Variants in AGBL1 observed in about 807,000 individuals in gnomAD.
AGBL1 encodes the protein AGBL carboxypeptidase 1, also known as cytosolic carboxypeptidase 4.
Under a neutral mutation model 118.9 loss-of-function variants are expected in AGBL1, and 130 were observed. The ratio of observed to expected loss-of-function variants is 1.09; its 90% confidence interval spans 0.95 to 1.26. The LOEUF (loss-of-function observed/expected upper bound fraction) is 1.26. Among genes scored for constraint, AGBL1 ranks in the 50% most tolerant of loss-of-function variants. The probability of loss-of-function intolerance (pLI) is 0.00; values close to 1 mark genes in which losing one functional copy is unlikely to be tolerated. For missense variants in AGBL1, 1,584 were observed against 1,298.1 expected (o/e 1.22, Z -3.38); for synonymous variants, 555 against 478.9 (o/e 1.16, Z -2.08).
intron 21 of AGBL1, among the ~76,000 whole-genome samples, chr15:86,618,418 T>A (rs1485725961): frequency 1.3e-5 from 2 of 152,142 alleles, no homozygotes; most frequent in Non-Finnish European, 2.9e-5. Flanking sequence ...AGCTAAAATA[T>A]CTTTCTCCAG....
chr15:86,723,200 C>T (rs1305783252), intron 22 of AGBL1, among the ~76,000 whole-genome samples: 1 of 152,194 alleles, frequency 6.6e-6, no homozygotes, highest in Non-Finnish European at 1.5e-5. Flanking sequence ...AAGACACATG[C>T]ATACATATGT....
rs552765068 is a variant in AGBL1, at chr15:86,751,958, C to G, written c.3158+77522C>G. ...CATTAAAGGCTTCATATTCTATTTA[C>G]AAACCACCCTCAATCTAAGTTGTTC... On this transcript the variant is annotated intron_variant, in intron 22 of 22. Coordinates refer to ENST00000614907, the MANE Select transcript of AGBL1 (RefSeq NM_001386094.1). Among the ~76,000 whole-genome samples, 7 of 152,216 alleles carry G rather than the reference C, an allele frequency of 4.6e-5. No homozygotes were observed. In the South Asian group the frequency reaches 1.2e-3, roughly 27 times the overall value.
chr15:86,889,070 C>A (rs2080013378), intron 22 of AGBL1, among the ~76,000 whole-genome samples: 1 of 151,922 alleles, frequency 6.6e-6, no homozygotes, highest in Non-Finnish European at 1.5e-5. Flanking sequence ...AGGATTAAAT[C>A]CTATGTTTAC....
At chr15:86,164,680 A>G (rs2077313166) in intron 5 of AGBL1, among the ~76,000 whole-genome samples, 1 of 152,190 alleles carries the variant, frequency 6.6e-6, no homozygotes, top group South Asian at 2.1e-4. Context: ...TGTTGTCATC[A>G]GTGTGTCTTC....
chr15:86,713,796 T>C (rs949232614), intron 22 of AGBL1, among the ~76,000 whole-genome samples: 46 of 151,938 alleles, frequency 3.0e-4, no homozygotes, highest in African/African-American at 5.3e-4. Context: ...ATTTTTTTTT[T>C]CCCATGAATC....
chr15:87,016,850 C>T (rs1223446340), intron 24 of AGBL1, among the ~76,000 whole-genome samples: 1 of 152,162 alleles, frequency 6.6e-6, no homozygotes, highest in Non-Finnish European at 1.5e-5. Flanking sequence ...GGATCCCCTT[C>T]TAAGCCCATA....
chr15:86,381,204 A>T (rs1235038992), intron 17 of AGBL1, among the ~76,000 whole-genome samples: 1 of 152,190 alleles, frequency 6.6e-6, no homozygotes, highest in African/African-American at 2.4e-5. Flanking sequence ...TATTTAATTT[A>T]TGAGTGACTC....
intron 22 of AGBL1, among the ~76,000 whole-genome samples, chr15:86,786,483 A>G (rs1329528705): frequency 6.6e-6 from 1 of 152,216 alleles, no homozygotes; most frequent in Admixed American, 6.5e-5. Flanking sequence ...TATTAAATAC[A>G]TAAAAATATA....
rs574199478 is a variant in AGBL1, at chr15:86,894,680, G to A, written c.3159-12407G>A. 2.0e-5 allele frequency among the ~76,000 whole-genome samples: 3 copies of A among 152,264 alleles called. No homozygotes were observed. In the South Asian group the frequency reaches 6.2e-4, roughly 32 times the overall value. ...GCCCTGGGCACAAAGGCAGTACAAGGAGCAGTGGTGAAACCAGTAGGAGGC... is the reference window on the plus strand; with the variant it reads ...GCCCTGGGCACAAAGGCAGTACAAGAAGCAGTGGTGAAACCAGTAGGAGGC... On this transcript the variant is annotated intron_variant, in intron 22 of 22. Coordinates refer to ENST00000614907, the MANE Select transcript of AGBL1 (RefSeq NM_001386094.1).
At chr15:86,969,587 G>A in intron 23 of AGBL1, among the ~76,000 whole-genome samples, 1 of 152,028 alleles carries the variant, frequency 6.6e-6, no homozygotes, top group East Asian at 1.9e-4. Flanking sequence ...GCATTTGTGT[G>A]ACTATTTGCG....
rs78209627 is a variant in AGBL1, at chr15:86,734,599, G to C, written c.3158+60163G>C. On this transcript the variant is annotated intron_variant, in intron 22 of 22. Transcript: ENST00000614907. ...TCATGCTGGTTCTCCTACCTGCTCAGAGCCACAGCCGGCCAACTCCTATGC... is the reference window on the plus strand; with the variant it reads ...TCATGCTGGTTCTCCTACCTGCTCACAGCCACAGCCGGCCAACTCCTATGC... 6.1e-3 allele frequency among the ~76,000 whole-genome samples: 934 copies of C among 152,242 alleles called. 11 individuals are homozygous for C. Among genetic ancestry groups the C allele is most frequent in the African/African-American group, 0.021 (885 of 41,550 alleles).
Position 86,427,557 on chromosome 15 carries a change from C to CA in AGBL1, c.2555+30024dup, listed in dbSNP as rs74780280. Reference sequence around the variant, plus strand: ...ATTCTTCAATTTTAGTGCATGGTTACAAAAAAAAAAAAAGGACACCTATTG... The same window carrying CA: ...ATTCTTCAATTTTAGTGCATGGTTACAAAAAAAAAAAAAAGGACACCTATTG... On this transcript the variant is annotated intron_variant, in intron 18 of 22. Transcript: ENST00000614907. 1.6e-3 allele frequency among the ~76,000 whole-genome samples: 190 copies of CA among 115,734 alleles called. 1 individual carries two copies. Among genetic ancestry groups the CA allele is most frequent in the African/African-American group, 2.1e-3 (66 of 31,334 alleles). The allele number at this position is 115,734 out of a possible 152,430, so 75.9% of individuals were successfully genotyped here. A position where few individuals can be genotyped will look rare whatever the true frequency, so the allele number is the denominator to read the frequency against.
chr15:86,730,506 G>A (rs920315545), intron 22 of AGBL1, among the ~76,000 whole-genome samples: 1 of 152,040 alleles, frequency 6.6e-6, no homozygotes, highest in African/African-American at 2.4e-5. Context: ...TAGGTCCGTG[G>A]GTTTTTTTTC....
chr15:86,641,129 A>G (rs2085182895), intron 21 of AGBL1, among the ~76,000 whole-genome samples: 1 of 152,054 alleles, frequency 6.6e-6, no homozygotes, highest in African/African-American at 2.4e-5. Flanking sequence ...CTATCGTACT[A>G]CAATTATTTC....
intron 17 of AGBL1, among the ~76,000 whole-genome samples, chr15:86,301,640 G>C (rs1251033520): frequency 8.1e-5 from 8 of 99,362 alleles, no homozygotes; most frequent in African/African-American, 2.9e-4. Context: ...ATAATCTACA[G>C]GGTGTGTGTG....
intron 21 of AGBL1, among the ~76,000 whole-genome samples, chr15:86,572,138 C>A (rs181450475): frequency 6.6e-6 from 1 of 152,178 alleles, no homozygotes; most frequent in East Asian, 1.9e-4. Flanking sequence ...GCGTTGACAG[C>A]GGGGAGAAGG....
intron 22 of AGBL1, among the ~76,000 whole-genome samples, chr15:86,839,805 C>T (rs978296086): frequency 6.6e-6 from 1 of 152,098 alleles, no homozygotes; most frequent in Non-Finnish European, 1.5e-5. Flanking sequence ...GGGCAAAAAC[C>T]ATTCAACCCA....
downstream of AGBL1, among the ~76,000 whole-genome samples, chr15:86,920,958 C>A (rs2080476467): frequency 6.6e-6 from 1 of 152,058 alleles, no homozygotes; most frequent in Admixed American, 6.6e-5. Flanking sequence ...TGAGGTTTTG[C>A]AATTGGAGAA....
intron 17 of AGBL1, among the ~76,000 whole-genome samples, chr15:86,332,501 C>G (rs1452345339): frequency 1.3e-5 from 2 of 152,072 alleles, no homozygotes; most frequent in Non-Finnish European, 2.9e-5. Flanking sequence ...AAAAAATTAG[C>G]TGGGCGTGGC....
Sources: gnomAD v4.1 joint callset for allele counts (sites outside exome capture counted in the v4.1 genomes callset) on GRCh38, gnomAD v4.1.1 for gene constraint, MANE v1.5 for transcripts, NCBI Gene and HGNC (gene_info 2026-07-23, HGNC 2026-07-21) for gene names.